Variants in PRKCH observed in about 807,000 individuals in gnomAD.
The protein encoded by PRKCH is protein kinase C eta, also known as protein kinase C eta type.
PRKCH carries 28 observed loss-of-function variants against 82.5 expected under a neutral mutation model. That is an observed-to-expected ratio of 0.34 (90% confidence interval 0.25 to 0.47). The LOEUF (loss-of-function observed/expected upper bound fraction) is 0.47. Ranked by LOEUF, PRKCH falls within the 20% of genes least tolerant of loss-of-function variation. The pLI is 1.00. For synonymous variants in PRKCH, 322 were observed against 327.4 expected, an observed-to-expected ratio of 0.98 and a Z score of 0.18; for missense variants, 705 against 881.8, an observed-to-expected ratio of 0.80 and a Z score of 2.54.
chr14:61,230,994 G>A (rs2044738634), intron 1 of PRKCH, among the ~76,000 whole-genome samples: 1 of 152,190 alleles, frequency 6.6e-6, no homozygotes, highest in African/African-American at 2.4e-5. Flanking sequence ...TAGAGGAAGG[G>A]AAAACTACTA....
chr14:61,530,752 C>A (rs1298007528), intron 12 of PRKCH, among the ~76,000 whole-genome samples, 157 bp downstream of exon 12: 1 of 152,236 alleles, frequency 6.6e-6, no homozygotes, highest in Non-Finnish European at 1.5e-5. Flanking sequence ...AGAGTTCTGT[C>A]AGGCTGTTAC....
At chr14:61,221,458 T>C (rs900535610) in intron 1 of PRKCH, among the ~76,000 whole-genome samples, 4 of 152,232 alleles carry the variant, frequency 2.6e-5, no homozygotes, top group African/African-American at 9.6e-5. Context: ...TGGGAAAATA[T>C]TGACGTGTGC....
At chr14:61,500,212 C>CT (rs776037135) in intron 10 of PRKCH, among the ~76,000 whole-genome samples, 174 of 150,712 alleles carry the variant, frequency 1.2e-3, no homozygotes, top group Non-Finnish European at 1.7e-3. Flanking sequence ...AAGACTTGGT[C>CT]TTTTTTTTTG....
chr14:61,447,953 A>G (rs979311560), intron 4 of PRKCH, among the ~76,000 whole-genome samples: 2 of 152,240 alleles, frequency 1.3e-5, no homozygotes, highest in Non-Finnish European at 2.9e-5. Flanking sequence ...TAGAACAGAA[A>G]TCAGTGAAGT....
intron 1 of PRKCH, among the ~76,000 whole-genome samples, chr14:61,332,911 C>G (rs2045809006): frequency 6.6e-6 from 1 of 152,154 alleles, no homozygotes; most frequent in Non-Finnish European, 1.5e-5. Flanking sequence ...GCCCCTTGAG[C>G]TCTGTGGTCC....
rs10134348 is a variant in PRKCH, at chr14:61,457,422, G to A, written c.1105-84G>A. 12,844 of 1,587,260 alleles carry A rather than the reference G, an allele frequency of 8.1e-3. 891 individuals carry two copies. In the African/African-American group the frequency reaches 0.15, roughly 19 times the overall value. On this transcript the variant is annotated intron_variant, in intron 8 of 13. Transcript: ENST00000332981. ...GCGCACATACTCACATTTCTCATGT[G>A]CCATTCTTTCTTCCTGTTGTGTGCA...
intron 2 of PRKCH, among the ~76,000 whole-genome samples, chr14:61,439,375 G>A (rs1327881042): frequency 6.6e-6 from 1 of 152,160 alleles, no homozygotes; most frequent in East Asian, 1.9e-4. Flanking sequence ...TGGAAGCCAT[G>A]GGGGCCCATT....
At chr14:61,330,419 G>A (rs2045768859) in intron 1 of PRKCH, among the ~76,000 whole-genome samples, 2 of 152,194 alleles carry the variant, frequency 1.3e-5, no homozygotes, top group South Asian at 4.1e-4. Flanking sequence ...GTTTGGGAGG[G>A]AACTGTTTCC....
chr14:61,542,119 G>C (rs536710191), intron 12 of PRKCH, among the ~76,000 whole-genome samples: 1 of 151,952 alleles, frequency 6.6e-6, no homozygotes, highest in African/African-American at 2.4e-5. Context: ...GTGAAACCCC[G>C]TCTCTACTAA....
intron 10 of PRKCH, among the ~76,000 whole-genome samples, chr14:61,522,807 G>A (rs1252066486): frequency 6.6e-6 from 1 of 152,174 alleles, no homozygotes; most frequent in Non-Finnish European, 1.5e-5. Context: ...CAACATCCTG[G>A]CATATGGCCA....
chr14:61,539,258 G>C (rs2043151111), intron 12 of PRKCH, among the ~76,000 whole-genome samples: 1 of 152,132 alleles, frequency 6.6e-6, no homozygotes, highest in Non-Finnish European at 1.5e-5. Context: ...ATAAAACCCA[G>C]GAAAGGCAGG....
intron 2 of PRKCH, among the ~76,000 whole-genome samples, chr14:61,433,949 A>G (rs1883548313): frequency 6.6e-6 from 1 of 152,242 alleles, no homozygotes; most frequent in African/African-American, 2.4e-5. Context: ...CATTTTCCAT[A>G]GTGATCATCA....
intron 10 of PRKCH, among the ~76,000 whole-genome samples, chr14:61,520,014 A>T (rs28454288): frequency 2.4e-4 from 37 of 151,806 alleles, no homozygotes; most frequent in African/African-American, 8.0e-4. Flanking sequence ...CACTCTGACC[A>T]ATGGGTCCTT....
At chr14:61,317,264 C>T (rs76946403), upstream of PRKCH, among the ~76,000 whole-genome samples, 2,904 of 152,178 alleles carry the variant, frequency 0.019, 83 homozygotes, top group African/African-American at 0.062. Context: ...TTCCTCAGCT[C>T]TCACTCTCCT....
intron 2 of PRKCH, among the ~76,000 whole-genome samples, chr14:61,413,410 C>CA (rs1435624508): frequency 1.4e-5 from 1 of 69,756 alleles, no homozygotes; most frequent in Admixed American, 1.8e-4. Flanking sequence ...AGCGCCCCCC[C>CA]CCCGCCCCGC....
intron 1 of PRKCH, among the ~76,000 whole-genome samples, chr14:61,302,738 C>T (rs2045456856): frequency 6.6e-6 from 1 of 152,058 alleles, no homozygotes; most frequent in South Asian, 2.1e-4. Flanking sequence ...GTTTAGAGAG[C>T]ATATTCTGTA....
chr14:61,376,537 C>T (rs149019748), intron 1 of PRKCH, among the ~76,000 whole-genome samples: 6 of 152,236 alleles, frequency 3.9e-5, no homozygotes, highest in East Asian at 1.9e-4. Context: ...TTAGTCTTAC[C>T]GTCTTCCAGA....
intron 1 of PRKCH, among the ~76,000 whole-genome samples, chr14:61,284,339 T>C (rs1226809061): frequency 6.6e-6 from 1 of 152,178 alleles, no homozygotes; most frequent in Non-Finnish European, 1.5e-5. Flanking sequence ...AGATGTGCCT[T>C]AGTAGTTAAT....
intron 2 of PRKCH, among the ~76,000 whole-genome samples, chr14:61,441,040 G>C (rs1883944425): frequency 6.6e-6 from 1 of 151,220 alleles, no homozygotes; most frequent in Non-Finnish European, 1.5e-5. Context: ...TAGTAGCTGA[G>C]ACCACAGGTG....
Sources: allele counts gnomAD v4.1 joint callset (sites outside exome capture counted in the v4.1 genomes callset), GRCh38; gene constraint gnomAD v4.1.1; transcripts MANE v1.5; gene names NCBI Gene and HGNC (gene_info 2026-07-23, HGNC 2026-07-21).